Variants in PRKAG2 observed in about 807,000 individuals in gnomAD.
PRKAG2 encodes 5'-AMP-activated protein kinase subunit gamma-2.
In PRKAG2, 26 loss-of-function variants were observed where a neutral mutation model predicts 69.6. The ratio of observed to expected loss-of-function variants is 0.37; its 90% confidence interval spans 0.27 to 0.52. The LOEUF is 0.52. Among genes scored for constraint, PRKAG2 ranks in the 20% least tolerant of loss-of-function variants. The pLI is 0.90. For missense variants in PRKAG2, 557 were observed against 740.0 expected (o/e 0.75, Z 2.87); for synonymous variants, 293 against 285.0 (o/e 1.03, Z -0.28).
rs891038646 is a variant in PRKAG2, at chr7:151,780,849, C to T, written c.466+303G>A. 2.6e-5 allele frequency among the ~76,000 whole-genome samples: 4 copies of T among 152,176 alleles called. No individual in the cohort carries two copies. The highest frequency in any genetic ancestry group is 9.7e-5 in the African/African-American group (4 of 41,438). On this transcript the variant is annotated intron_variant, in intron 3 of 15. Transcript: ENST00000287878. This position sits in a 1 kb window ranked among gnomAD's most constrained non-coding sequence, Gnocchi z 4.2. ...AGAAGGCTGGAGGCAAGTGTGTCATCTGATTGTCCATACAAGCTGTACTGT... is the reference window on the plus strand; with the variant it reads ...AGAAGGCTGGAGGCAAGTGTGTCATTTGATTGTCCATACAAGCTGTACTGT...
Position 151,821,780 on chromosome 7 carries a change from G to A in PRKAG2, c.115-35239C>T, listed in dbSNP as rs76676506. 4.5e-4 allele frequency among the ~76,000 whole-genome samples: 69 copies of A among 152,290 alleles called. No individual in the cohort carries two copies. In the East Asian group the frequency reaches 0.012, roughly 27 times the overall value. Reference sequence around the variant, plus strand: ...CAAATTCCAGCTTTGCTTTGCCAGTGCTGGGACGTTGGCTAAGTCATTTAG... The same window carrying A: ...CAAATTCCAGCTTTGCTTTGCCAGTACTGGGACGTTGGCTAAGTCATTTAG... On this transcript the variant is annotated intron_variant, in intron 1 of 15. Transcript: ENST00000287878.
intron 3 of PRKAG2, among the ~76,000 whole-genome samples, chr7:151,748,128 C>T (rs1304104992): frequency 6.6e-6 from 1 of 151,928 alleles, no homozygotes; most frequent in Non-Finnish European, 1.5e-5. Flanking sequence ...ACCATGTTGC[C>T]CAGACTGGTC....
intron 1 of PRKAG2, among the ~76,000 whole-genome samples, chr7:151,789,255 C>G (rs2077158406): frequency 6.6e-6 from 1 of 152,182 alleles, no homozygotes; most frequent in African/African-American, 2.4e-5. Context: ...TAGTCCTGAC[C>G]TCTTAACAAT....
intron 14 of PRKAG2, among the ~76,000 whole-genome samples, chr7:151,562,746 T>C: frequency 6.6e-6 from 1 of 152,032 alleles, no homozygotes; most frequent in Non-Finnish European, 1.5e-5. Flanking sequence ...GGCGGGCAGA[T>C]CACGAGGTCA....
intron 1 of PRKAG2, among the ~76,000 whole-genome samples, chr7:151,805,783 T>C (rs186477442): frequency 6.6e-6 from 1 of 152,310 alleles, no homozygotes; most frequent in African/African-American, 2.4e-5. Flanking sequence ...CTCAGAGCTT[T>C]GATGAGAGGA....
chr7:151,776,108 G>T (rs2076333090), intron 3 of PRKAG2, among the ~76,000 whole-genome samples: 1 of 152,182 alleles, frequency 6.6e-6, no homozygotes, highest in Admixed American at 6.5e-5. Context: ...CTCGGGGAGG[G>T]ATGGCTTCTT....
intron 5 of PRKAG2, among the ~76,000 whole-genome samples, chr7:151,615,393 G>A (rs980470668): frequency 4.6e-5 from 7 of 152,122 alleles, no homozygotes; most frequent in South Asian, 2.1e-4. Flanking sequence ...GTATCCACCC[G>A]GTAATGGGAT....
At chr7:151,795,760 T>G (rs2077471113) in intron 1 of PRKAG2, among the ~76,000 whole-genome samples, 1 of 150,910 alleles carries the variant, frequency 6.6e-6, no homozygotes, top group African/African-American at 2.4e-5. Context: ...CAGCATCGAC[T>G]GCCTGAGCTT....
intron 14 of PRKAG2, among the ~76,000 whole-genome samples, chr7:151,561,234 A>T (rs1804876299): frequency 6.6e-6 from 1 of 152,256 alleles, no homozygotes. Context: ...TTTTCAAAAT[A>T]TTAATATAGA....
At chr7:151,705,320 T>C (rs980443717) in intron 3 of PRKAG2, among the ~76,000 whole-genome samples, 2 of 135,232 alleles carry the variant, frequency 1.5e-5, no homozygotes, top group Non-Finnish European at 3.2e-5. Flanking sequence ...AACAAGGGAT[T>C]ATGGTGTTTT....
intron 3 of PRKAG2, among the ~76,000 whole-genome samples, chr7:151,708,846 C>T (rs1465580289): frequency 1.3e-5 from 2 of 152,190 alleles, no homozygotes; most frequent in Admixed American, 6.5e-5. Flanking sequence ...GGTGCTGCCA[C>T]CTGACACTAA....
chr7:151,808,668 C>G (rs1361833035), intron 1 of PRKAG2, among the ~76,000 whole-genome samples: 2 of 151,592 alleles, frequency 1.3e-5, no homozygotes, highest in African/African-American at 4.9e-5. Flanking sequence ...TCTCATAGAT[C>G]AAGTCGGGCT....
intron 3 of PRKAG2, among the ~76,000 whole-genome samples, chr7:151,703,182 C>G (rs1838007440): frequency 6.6e-6 from 1 of 152,188 alleles, no homozygotes; most frequent in African/African-American, 2.4e-5. Context: ...ACTCACTCAT[C>G]AGCGCGCGCG....
intron 3 of PRKAG2, among the ~76,000 whole-genome samples, chr7:151,688,227 C>T (rs1433876458): frequency 6.6e-6 from 1 of 152,090 alleles, no homozygotes; most frequent in Non-Finnish European, 1.5e-5. Flanking sequence ...CCAGAATATT[C>T]CTGGGCAGGA....
chr7:151,775,126 T>C (rs1348343753), intron 3 of PRKAG2, among the ~76,000 whole-genome samples: 1 of 152,236 alleles, frequency 6.6e-6, no homozygotes, highest in Non-Finnish European at 1.5e-5. Context: ...AGGGCATCCT[T>C]GCGTGCATGC....
intron 6 of PRKAG2, among the ~76,000 whole-genome samples, chr7:151,579,631 G>C (rs2151060232): frequency 6.6e-6 from 1 of 152,252 alleles, no homozygotes; most frequent in Non-Finnish European, 1.5e-5. Flanking sequence ...ATTCATTCTG[G>C]AATTTTTCTG....
At chr7:151,793,455 G>A (rs911291476) in intron 1 of PRKAG2, among the ~76,000 whole-genome samples, 16 of 152,212 alleles carry the variant, frequency 1.1e-4, no homozygotes, top group African/African-American at 3.6e-4. Flanking sequence ...TAAGGGCCTG[G>A]GCTGTGGGAT....
intron 3 of PRKAG2, among the ~76,000 whole-genome samples, chr7:151,759,936 C>T (rs758331115): frequency 6.6e-6 from 1 of 152,210 alleles, no homozygotes; most frequent in Non-Finnish European, 1.5e-5. Context: ...GATTTAACAT[C>T]GACATTCTTC....
rs540235011 is a variant in PRKAG2 at position 151,835,915 on chromosome 7, G to A, written c.114+40592C>T. On this transcript the variant is annotated intron_variant, in intron 1 of 15. Transcript: ENST00000287878. This position sits in a 1 kb window ranked among gnomAD's most constrained non-coding sequence, Gnocchi z 4.1. Reference sequence around the variant, plus strand: ...ATTCAAGAGTGGGGTGCAGCTCAGGGAGGCATCGGAGATGGGGACTGTGAC... The same window carrying A: ...ATTCAAGAGTGGGGTGCAGCTCAGGAAGGCATCGGAGATGGGGACTGTGAC... Among the ~76,000 whole-genome samples, 1 of 152,202 alleles carries A rather than the reference G, an allele frequency of 6.6e-6. No individual in the cohort carries two copies. The highest frequency in any genetic ancestry group is 1.5e-5 in the Non-Finnish European group (1 of 68,040).
Sources: gnomAD v4.1 joint callset for allele counts (sites outside exome capture counted in the v4.1 genomes callset) on GRCh38, gnomAD v4.1.1 for gene constraint, Gnocchi (gnomAD v3.1) non-coding constraint, MANE v1.5 for transcripts, NCBI Gene and HGNC (gene_info 2026-07-23, HGNC 2026-07-21) for gene names.